The following SGCZ variants were observed in gnomAD, a reference collection of about 807,000 sequenced individuals.
SGCZ encodes the protein zeta-sarcoglycan.
Under a neutral mutation model 41.3 loss-of-function variants are expected in SGCZ, and 40 were observed. That is an observed-to-expected ratio of 0.97 (90% CI 0.75 to 1.26). SGCZ has a LOEUF of 1.26. Ranked by LOEUF, SGCZ falls within the 50% of genes most tolerant of loss-of-function variation. The pLI, the probability that SGCZ is intolerant of heterozygous loss-of-function variation, is 0.00. For synonymous variants in SGCZ, 206 were observed against 137.5 expected (o/e 1.50, Z -3.49); for missense variants, 552 against 369.8 (o/e 1.49, Z -4.04).
chr8:15,126,843 A>T (rs1807709147), intron 1 of SGCZ, among the ~76,000 whole-genome samples: 1 of 152,094 alleles, frequency 6.6e-6, no homozygotes, highest in Non-Finnish European at 1.5e-5. Context: ...CAGAGGTCAG[A>T]CCTCTACTCT....
intron 2 of SGCZ, among the ~76,000 whole-genome samples, chr8:14,483,919 T>A (rs963505133): frequency 6.6e-6 from 1 of 152,206 alleles, no homozygotes; most frequent in Non-Finnish European, 1.5e-5. Context: ...CTAACATGTA[T>A]GTTCTGATTG....
intron 1 of SGCZ, among the ~76,000 whole-genome samples, chr8:14,774,587 A>C (rs1800343949): frequency 6.6e-6 from 1 of 152,182 alleles, no homozygotes; most frequent in South Asian, 2.1e-4. Context: ...AAAGCTTTAA[A>C]AACAAATCTG....
chr8:14,172,855 C>A (rs964955545), intron 4 of SGCZ, among the ~76,000 whole-genome samples: 1 of 152,032 alleles, frequency 6.6e-6, no homozygotes, highest in Non-Finnish European at 1.5e-5. Context: ...ACTCTTCAAT[C>A]TTTGTAAAAA....
intron 1 of SGCZ, among the ~76,000 whole-genome samples, chr8:15,047,065 A>G (rs952406048): frequency 9.9e-5 from 15 of 152,024 alleles, no homozygotes; most frequent in African/African-American, 3.6e-4. Flanking sequence ...TGATAGTTCT[A>G]AGGCTTTGAT....
chr8:14,321,065 G>GT (rs1427717174), intron 3 of SGCZ, among the ~76,000 whole-genome samples: 1 of 152,046 alleles, frequency 6.6e-6, no homozygotes, highest in African/African-American at 2.4e-5. Context: ...GTTGGACCAA[G>GT]TGCCTTGAAA....
chr8:14,632,444 A>T (rs781514448), intron 1 of SGCZ, among the ~76,000 whole-genome samples: 45 of 152,150 alleles, frequency 3.0e-4, no homozygotes, highest in Non-Finnish European at 6.3e-4. Flanking sequence ...TGAGGGGTTT[A>T]TCATTTATTA....
At chr8:14,135,453 G>T (rs1803166919) in intron 5 of SGCZ, among the ~76,000 whole-genome samples, 1 of 152,184 alleles carries the variant, frequency 6.6e-6, no homozygotes, top group African/African-American at 2.4e-5. Context: ...AAAGAAGTAA[G>T]AGGATAACAG....
intron 1 of SGCZ, among the ~76,000 whole-genome samples, chr8:14,970,430 C>G (rs573425065): frequency 6.6e-5 from 10 of 152,130 alleles, no homozygotes; most frequent in Admixed American, 3.9e-4. Context: ...CCTTATGTTT[C>G]CTTCTAAAAG....
At chr8:14,762,105 C>T (rs535324291) in intron 1 of SGCZ, among the ~76,000 whole-genome samples, 4 of 151,988 alleles carry the variant, frequency 2.6e-5, no homozygotes, top group South Asian at 2.1e-4. Flanking sequence ...CCCTTTTTTT[C>T]CAAAATGGAA....
intron 1 of SGCZ, among the ~76,000 whole-genome samples, chr8:15,066,164 C>T (rs951897971): frequency 4.6e-5 from 7 of 151,816 alleles, no homozygotes; most frequent in Admixed American, 6.6e-5. Flanking sequence ...AAAAATTAGC[C>T]GGGCGCGGTG....
At chr8:14,220,267 T>C (rs994198634) in intron 4 of SGCZ, among the ~76,000 whole-genome samples, 1 of 152,150 alleles carries the variant, frequency 6.6e-6, no homozygotes, top group Non-Finnish European at 1.5e-5. Flanking sequence ...GGAACTACCA[T>C]GCGCAATGGT....
At chr8:15,236,250 TC>T (rs889077580) in intron 1 of SGCZ, among the ~76,000 whole-genome samples, 2 of 152,044 alleles carry the variant, frequency 1.3e-5, no homozygotes, top group Non-Finnish European at 2.9e-5. Context: ...CCTCCTTCCT[TC>T]CCCGTCTATG....
intron 2 of SGCZ, among the ~76,000 whole-genome samples, chr8:14,405,709 C>T (rs560841209): frequency 6.6e-6 from 1 of 152,078 alleles, no homozygotes; most frequent in African/African-American, 2.4e-5. Context: ...AATTTTCAAG[C>T]CTGTGATTTC....
intron 1 of SGCZ, among the ~76,000 whole-genome samples, chr8:14,826,032 C>T (rs1802296572): frequency 1.3e-5 from 2 of 151,604 alleles, no homozygotes; most frequent in Non-Finnish European, 2.9e-5. Flanking sequence ...TGGTGTGCTG[C>T]ACCCATTAAC....
chr8:14,574,251 G>A (rs1221416791), intron 1 of SGCZ, among the ~76,000 whole-genome samples: 2 of 152,000 alleles, frequency 1.3e-5, no homozygotes, highest in Admixed American at 6.6e-5. Context: ...AGCCTCAGAA[G>A]CAAAGATTCT....
At chr8:14,107,108 C>A (rs932607212) in intron 6 of SGCZ, among the ~76,000 whole-genome samples, 1 of 151,664 alleles carries the variant, frequency 6.6e-6, no homozygotes, top group Non-Finnish European at 1.5e-5. Flanking sequence ...CCTAGCTACT[C>A]GAGAGGCTGA....
Position 14,517,333 on chromosome 8 carries a change from C to T in SGCZ, c.234+37399G>A, listed in dbSNP as rs116912359. Among the ~76,000 whole-genome samples, 112 of 152,212 alleles carry T rather than the reference C, an allele frequency of 7.4e-4. 1 individual carries two copies. In the East Asian group the frequency reaches 0.02, roughly 27 times the overall value. Reference sequence around the variant, plus strand: ...CAAGTTAATGTAGGAGCTACATGATCTCTTTCATTTTAGTGCAGCAAACTT... The same window carrying T: ...CAAGTTAATGTAGGAGCTACATGATTTCTTTCATTTTAGTGCAGCAAACTT... On this transcript the variant is annotated intron_variant, in intron 2 of 7. Coordinates refer to ENST00000382080, the MANE Select transcript of SGCZ (RefSeq NM_139167.4).
chr8:14,182,685 A>G (rs1283877276), intron 4 of SGCZ, among the ~76,000 whole-genome samples: 2 of 152,328 alleles, frequency 1.3e-5, no homozygotes, highest in East Asian at 1.9e-4. Flanking sequence ...ATCAGTGATG[A>G]CAAAAGTAGA....
chr8:14,790,196 G>A (rs765914267), intron 1 of SGCZ, among the ~76,000 whole-genome samples: 1 of 152,132 alleles, frequency 6.6e-6, no homozygotes, highest in Non-Finnish European at 1.5e-5. Context: ...GTGGTTTCAA[G>A]TCTGTCCTTA....
Sources: allele counts gnomAD v4.1 joint callset (sites outside exome capture counted in the v4.1 genomes callset), GRCh38; gene constraint gnomAD v4.1.1; transcripts MANE v1.5; gene names NCBI Gene and HGNC (gene_info 2026-07-23, HGNC 2026-07-21).